TEX11: variants seen among roughly 807,000 people sequenced by gnomAD.
TEX11 encodes the protein testis-expressed protein 11.
Under a neutral mutation model 84.4 loss-of-function variants are expected in TEX11, and 7 were observed. The observed-to-expected ratio is 0.08, with a 90% CI of 0.05 to 0.16. The LOEUF (loss-of-function observed/expected upper bound fraction) is 0.16. TEX11 is among the 10% of genes least tolerant of loss of function. The probability of loss-of-function intolerance (pLI) is 1.00; values close to 1 mark genes in which losing one functional copy is unlikely to be tolerated. For missense variants in TEX11, 551 were observed against 660.5 expected (o/e 0.83, Z 1.82); for synonymous variants, 264 against 222.8 (o/e 1.18, Z -1.64).
intron 9 of TEX11, among the ~76,000 whole-genome samples, chrX:70,753,385 G>A (rs2090843999): frequency 9.0e-6 from 1 of 111,319 alleles, no homozygotes; most frequent in Non-Finnish European, 1.9e-5. Flanking sequence ...ACTTTGTCTT[G>A]CATCTTGGAT....
intron 8 of TEX11, among the ~76,000 whole-genome samples, chrX:70,814,662 T>C (rs192169932): frequency 8.8e-6 from 1 of 113,181 alleles, no homozygotes; most frequent in African/African-American, 3.2e-5. Context: ...AACCTAGACC[T>C]CATTTAGAAG....
At position 70,811,554 on chromosome X, in the gene TEX11, C is replaced by T. The variant is rs1039283147; in HGVS notation, c.607-4764G>A. Reference sequence around the variant, plus strand: ...GGGTATATACCCAGTAATGGGATGGCTGGGTCAAATGGTATTTCTAGTTCA... The same window carrying T: ...GGGTATATACCCAGTAATGGGATGGTTGGGTCAAATGGTATTTCTAGTTCA... On this transcript the variant is annotated intron_variant, in intron 8 of 29. Transcript: ENST00000374333. Among the ~76,000 whole-genome samples the T allele has an allele frequency of 7.2e-5, 8 of 111,644 alleles. No individual in the cohort carries two copies. In the East Asian group the frequency reaches 1.7e-3, roughly 23 times the overall value.
chrX:70,750,933 A>AAAAAAATAT (rs1390175136), intron 9 of TEX11, among the ~76,000 whole-genome samples: 8 of 28,190 alleles, frequency 2.8e-4, no homozygotes, highest in East Asian at 3.5e-3. Context: ...AAAAAAAAAA[A>AAAAAAATAT]ATATATATAT....
chrX:70,711,240 A>C (rs1040528354), intron 13 of TEX11, among the ~76,000 whole-genome samples: 8 of 111,651 alleles, frequency 7.2e-5, no homozygotes, highest in Admixed American at 2.9e-4. Context: ...ATAGTGCCGC[A>C]ATAAACATAC....
At chrX:70,671,770 T>C (rs55800456) in intron 15 of TEX11, among the ~76,000 whole-genome samples, 11,306 of 106,631 alleles carry the variant, frequency 0.11, 570 homozygotes, top group Middle Eastern at 0.19. Context: ...CTTTTTTCTC[T>C]TCACATCTTT....
At chrX:70,890,336 C>G (rs939441011) in intron 2 of TEX11, among the ~76,000 whole-genome samples, 1 of 111,625 alleles carries the variant, frequency 9.0e-6, no homozygotes, top group Non-Finnish European at 1.9e-5. Context: ...CTCATTGGGA[C>G]TGGTTGGACA....
chrX:70,658,885 G>A (rs779582782), intron 16 of TEX11, among the ~76,000 whole-genome samples: 2 of 111,790 alleles, frequency 1.8e-5, no homozygotes, highest in Non-Finnish European at 3.8e-5. Context: ...ATATAATAGA[G>A]AGCCCAGAAA....
intron 17 of TEX11, among the ~76,000 whole-genome samples, chrX:70,641,184 A>G (rs952416186): frequency 3.6e-5 from 4 of 111,836 alleles, no homozygotes; most frequent in South Asian, 7.7e-4. Context: ...CCATTACATA[A>G]TGGTAAAGGG....
At chrX:70,674,946 T>A (rs924558361) in intron 15 of TEX11, among the ~76,000 whole-genome samples, 13 of 110,908 alleles carry the variant, frequency 1.2e-4, no homozygotes, top group Non-Finnish European at 1.7e-4. Flanking sequence ...ATCTCATTTT[T>A]AAAAAAAACT....
chrX:70,568,021 T>A (rs1334086995), intron 25 of TEX11, among the ~76,000 whole-genome samples: 1 of 111,333 alleles, frequency 9.0e-6, no homozygotes, highest in Admixed American at 9.6e-5. Context: ...AGTCTCCCAT[T>A]ATTATTGTGT....
intron 28 of TEX11, among the ~76,000 whole-genome samples, chrX:70,534,923 C>G (rs1046262072): frequency 9.0e-5 from 10 of 111,507 alleles, no homozygotes; most frequent in Admixed American, 1.9e-4. Context: ...CCCATTGGCT[C>G]CATATTCCCC....
intron 4 of TEX11, among the ~76,000 whole-genome samples, chrX:70,864,297 T>A (rs751483016): frequency 1.8e-5 from 2 of 110,390 alleles, no homozygotes; most frequent in African/African-American, 6.6e-5. Flanking sequence ...TTCTCCAAGG[T>A]TGAAATGAAA....
At chrX:70,527,754 T>C (rs1952120), downstream of TEX11, among the ~76,000 whole-genome samples, 3,595 of 111,208 alleles carry the variant, frequency 0.032, 136 homozygotes, top group African/African-American at 0.11. Context: ...ACTGAAGCAT[T>C]AAGGGGAAAT....
intron 25 of TEX11, among the ~76,000 whole-genome samples, chrX:70,573,056 A>T (rs1004015106): frequency 8.9e-5 from 10 of 111,778 alleles, no homozygotes; most frequent in African/African-American, 3.2e-4. Context: ...CTAAAAGCAA[A>T]CCATAATAAG....
chrX:70,553,260 C>T, intron 27 of TEX11, 46 bp downstream of exon 27: 1 of 907,052 alleles, frequency 1.1e-6, no homozygotes, highest in Non-Finnish European at 1.6e-6. Context: ...GAGGCATTGA[C>T]TATAGTTCTT....
chrX:70,561,388 C>CT (rs34112390), intron 25 of TEX11, among the ~76,000 whole-genome samples: 46,096 of 78,894 alleles, frequency 0.58, 13,241 homozygotes, highest in Non-Finnish European at 0.76. Context: ...TATCAATTTA[C>CT]TTTTTTTTTT....
intron 25 of TEX11, among the ~76,000 whole-genome samples, chrX:70,569,157 C>G (rs2088545387): frequency 8.9e-6 from 1 of 111,841 alleles, no homozygotes; most frequent in Admixed American, 9.5e-5. Flanking sequence ...TCATTCATTT[C>G]ATCTTCCATC....
chrX:70,704,481 G>A (rs2090352697), intron 13 of TEX11, among the ~76,000 whole-genome samples: 1 of 111,518 alleles, frequency 9.0e-6, no homozygotes, highest in East Asian at 2.8e-4. Flanking sequence ...TTATAAAGAT[G>A]TTTGAAGTTA....
chrX:70,717,912 A>G (rs931061244), intron 13 of TEX11, among the ~76,000 whole-genome samples: 3 of 112,389 alleles, frequency 2.7e-5, no homozygotes, highest in African/African-American at 9.7e-5. Context: ...AAGAGCAGCT[A>G]TATTTTAAAT....
Sources: allele counts gnomAD v4.1 joint callset (sites outside exome capture counted in the v4.1 genomes callset), GRCh38; gene constraint gnomAD v4.1.1; transcripts MANE v1.5; gene names NCBI Gene and HGNC (gene_info 2026-07-23, HGNC 2026-07-21).